The following PTPRJ variants were observed in gnomAD, a reference collection of about 807,000 sequenced individuals.
PTPRJ encodes the protein receptor-type tyrosine-protein phosphatase eta.
In PTPRJ, 129 loss-of-function variants were observed where a neutral mutation model predicts 141.3. The ratio of observed to expected loss-of-function variants is 0.91; its 90% CI spans 0.79 to 1.06. The LOEUF (loss-of-function observed/expected upper bound fraction) is 1.06. Ranked by LOEUF, PTPRJ falls within the 50% of genes least tolerant of loss-of-function variation. PTPRJ has a pLI of 0.00. For missense variants in PTPRJ, 1,601 were observed against 1,679.7 expected, an observed-to-expected ratio of 0.95 and a Z score of 0.82; for synonymous variants, 610 against 640.5, an observed-to-expected ratio of 0.95 and a Z score of 0.72.
At chr11:48,095,717 A>G (rs1409563245) in intron 1 of PTPRJ, among the ~76,000 whole-genome samples, 1 of 151,724 alleles carries the variant, frequency 6.6e-6, no homozygotes, top group East Asian at 1.9e-4. Context: ...CGTAGCTGGG[A>G]TTGCAGGTGC....
intron 1 of PTPRJ, among the ~76,000 whole-genome samples, chr11:48,059,323 A>G (rs11039506): frequency 0.016 from 2,484 of 151,918 alleles, 67 homozygotes; most frequent in African/African-American, 0.057. Flanking sequence ...GGGTTTCATC[A>G]TGTTGGCCAG....
At chr11:48,047,736 A>G (rs1038337519) in intron 1 of PTPRJ, among the ~76,000 whole-genome samples, 3 of 152,100 alleles carry the variant, frequency 2.0e-5, no homozygotes, top group Non-Finnish European at 4.4e-5. Context: ...GGTAATTTTT[A>G]AACTCTGCTC....
chr11:48,146,800 C>G (rs1857361193), intron 14 of PTPRJ, 76 bp from the exon 15 acceptor site: 2 of 1,165,770 alleles, frequency 1.7e-6, no homozygotes, highest in Admixed American at 1.7e-5. Flanking sequence ...GTGTTAGGGT[C>G]CCAGGCCAGT....
chr11:48,132,657 C>T (rs557878660), intron 8 of PTPRJ: 26 of 866,684 alleles, frequency 3.0e-5, no homozygotes, highest in Admixed American at 6.2e-5. Context: ...CAAACCTGCA[C>T]GTTGTGCACA....
At chr11:47,986,128 C>T (rs1044890214) in intron 1 of PTPRJ, among the ~76,000 whole-genome samples, 5 of 152,192 alleles carry the variant, frequency 3.3e-5, no homozygotes, top group African/African-American at 1.2e-4. Flanking sequence ...ATTTTGGGTT[C>T]TTTGTGTCCT....
intron 1 of PTPRJ, among the ~76,000 whole-genome samples, chr11:48,048,240 G>A (rs1271726221): frequency 1.3e-5 from 2 of 151,934 alleles, no homozygotes; most frequent in African/African-American, 4.8e-5. Flanking sequence ...GACATCTTTG[G>A]GCATACAGGT....
chr11:48,070,607 T>A (rs1346281176), intron 1 of PTPRJ, among the ~76,000 whole-genome samples: 1 of 152,112 alleles, frequency 6.6e-6, no homozygotes, highest in East Asian at 1.9e-4. Flanking sequence ...GGTGGAGTAG[T>A]ACTCACACTA....
At chr11:48,013,123 A>T (rs1326104001) in intron 1 of PTPRJ, among the ~76,000 whole-genome samples, 1 of 132,590 alleles carries the variant, frequency 7.5e-6, no homozygotes, top group Admixed American at 7.5e-5. Flanking sequence ...AAAAAAAAAA[A>T]GGTTCCATTC....
At chr11:48,126,937 A>G (rs1289615593) in intron 6 of PTPRJ, among the ~76,000 whole-genome samples, 1 of 152,192 alleles carries the variant, frequency 6.6e-6, no homozygotes, top group Non-Finnish European at 1.5e-5. Context: ...AAGACACGAC[A>G]GAAAGCCACC....
rs1856476883 is a variant in PTPRJ at position 48,112,905 on chromosome 11, GCC to G, written c.275_276del (p.Ala92GlufsTer3). On this transcript the variant is annotated frameshift_variant, in exon 3 of 25. Transcript: ENST00000418331. LOFTEE classifies it high-confidence loss of function. ...NTSEDGESSG[A>X]NDSLRTPEQG... The stretch of plus-strand genomic sequence containing the variant: ...CAGTGAGGATGGTGAAAGCTCTGGA[GCC>G]AACGATAGTTTAAGAACACCTGAAC... 6.2e-7 allele frequency: 1 copy of G among 1,614,064 alleles called. No individual in the cohort carries two copies. The highest frequency in any genetic ancestry group is 1.3e-5 in the African/African-American group (1 of 74,928).
chr11:48,140,137 T>C (rs1459515769), intron 11 of PTPRJ, among the ~76,000 whole-genome samples: 1 of 152,070 alleles, frequency 6.6e-6, no homozygotes, highest in African/African-American at 2.4e-5. Flanking sequence ...TGGGTTCAAG[T>C]GATTTTGGTG....
intron 1 of PTPRJ, among the ~76,000 whole-genome samples, chr11:47,992,562 T>C (rs1010576760): frequency 6.6e-6 from 1 of 152,220 alleles, no homozygotes; most frequent in Non-Finnish European, 1.5e-5. Flanking sequence ...ATTATTAGGT[T>C]GAACCATATA....
chr11:48,152,436 A>G (rs1196734223), intron 18 of PTPRJ, among the ~76,000 whole-genome samples: 4 of 151,666 alleles, frequency 2.6e-5, no homozygotes, highest in Admixed American at 6.6e-5. Context: ...TGCTGTGCAG[A>G]AGCTCTTTAG....
In PTPRJ at chr11:48,112,857, A is replaced by G. The variant is rs1856475574; in HGVS notation, c.226A>G (p.Thr76Ala). 2 of 1,614,088 alleles carry G rather than the reference A, an allele frequency of 1.2e-6. No homozygotes were observed. The highest frequency in any genetic ancestry group is 2.7e-5 in the African/African-American group (2 of 74,940). ...CTTTCATAAACAGAATGGAACTGGA[A>G]CACCTCAGGTGGAAACAAACACCAG... ...ESFHKQNGTG[T>A]PQVETNTSED... is the part of the protein sequence containing the mutation. Residue 76 changes from threonine (T) to alanine (A), a missense_variant, in exon 3 of 25, where the codon ACA (threonine) becomes GCA (alanine). Coordinates refer to ENST00000418331, the MANE Select transcript of PTPRJ (RefSeq NM_002843.4).
chr11:48,023,068 C>T (rs1853697591), intron 1 of PTPRJ, among the ~76,000 whole-genome samples: 1 of 152,054 alleles, frequency 6.6e-6, no homozygotes, highest in South Asian at 2.1e-4. Flanking sequence ...TAGGGAGGTA[C>T]AAATGGCTTC....
intron 1 of PTPRJ, among the ~76,000 whole-genome samples, chr11:47,998,508 A>G (rs999048498): frequency 2.0e-5 from 3 of 152,210 alleles, no homozygotes; most frequent in African/African-American, 7.2e-5. Context: ...GCCCAGATCC[A>G]GGTATGTGGC....
At chr11:48,012,250 C>T (rs1854816238) in intron 1 of PTPRJ, among the ~76,000 whole-genome samples, 1 of 152,064 alleles carries the variant, frequency 6.6e-6, no homozygotes, top group African/African-American at 2.4e-5. Flanking sequence ...AGTTTTGACC[C>T]ACATCCTCCC....
intron 1 of PTPRJ, among the ~76,000 whole-genome samples, chr11:48,098,979 G>C (rs1428523269): frequency 6.6e-6 from 1 of 152,154 alleles, no homozygotes; most frequent in Non-Finnish European, 1.5e-5. Context: ...ATCTTCTCTC[G>C]AACATCTGCC....
At chr11:48,107,013 C>T (rs942770698) in intron 1 of PTPRJ, among the ~76,000 whole-genome samples, 15 of 151,990 alleles carry the variant, frequency 9.9e-5, no homozygotes, top group African/African-American at 2.7e-4. Context: ...AGGTGATCCA[C>T]CTGCCTTGGC....
Sources: gnomAD v4.1 joint callset for allele counts (sites outside exome capture counted in the v4.1 genomes callset) on GRCh38, gnomAD v4.1.1 for gene constraint, MANE v1.5 for transcripts, NCBI Gene and HGNC (gene_info 2026-07-23, HGNC 2026-07-21) for gene names.